COL6A6: variants seen among roughly 807,000 people sequenced by gnomAD.
COL6A6 encodes collagen type VI alpha 6 chain.
In COL6A6, 183 loss-of-function variants were observed where a neutral mutation model predicts 208.6. That is an observed-to-expected ratio of 0.88 (90% CI 0.78 to 0.99). The LOEUF (loss-of-function observed/expected upper bound fraction) is 0.99. COL6A6 is among the 50% of genes least tolerant of loss of function. The probability of loss-of-function intolerance (pLI) is 0.00; values close to 1 mark genes in which losing one functional copy is unlikely to be tolerated. For missense variants in COL6A6, 2,816 were observed against 2,815.2 expected (o/e 1.00, Z -0.01); for synonymous variants, 973 against 1,011.8 (o/e 0.96, Z 0.73).
chr3:130,609,496 C>A (rs1244879819), intron 22 of COL6A6, among the ~76,000 whole-genome samples: 1 of 152,112 alleles, frequency 6.6e-6, no homozygotes, highest in Admixed American at 6.6e-5. Context: ...CCATACTTGG[C>A]TGTTTACACT....
chr3:130,623,111 G>A (rs2064786231), intron 24 of COL6A6, among the ~76,000 whole-genome samples: 1 of 152,124 alleles, frequency 6.6e-6, no homozygotes, highest in Non-Finnish European at 1.5e-5. Flanking sequence ...TGGAGTGGAT[G>A]AACACAGCCA....
chr3:130,628,544 TATA>T (rs928420318), intron 26 of COL6A6, among the ~76,000 whole-genome samples: 5 of 152,236 alleles, frequency 3.3e-5, no homozygotes, highest in African/African-American at 1.2e-4. Flanking sequence ...GAGGATTTAT[TATA>T]ATCAGGAAAT....
At chr3:130,634,242 T>TAAAAAAAAAAA (rs202193097) in intron 26 of COL6A6, among the ~76,000 whole-genome samples, 21 of 23,794 alleles carry the variant, frequency 8.8e-4, no homozygotes, top group Non-Finnish European at 1.1e-3. Context: ...AATAAATAAA[T>TAAAAAAAAAAA]AAAAAAAAAA....
At chr3:130,554,481 C>T (rs911600533) in intron 1 of COL6A6, among the ~76,000 whole-genome samples, 10 of 152,056 alleles carry the variant, frequency 6.6e-5, no homozygotes, top group South Asian at 2.1e-4. Context: ...CTGGTGGGCA[C>T]GAGGCTGGTG....
chr3:130,572,573 T>A (rs914545853), intron 7 of COL6A6, among the ~76,000 whole-genome samples: 2 of 152,216 alleles, frequency 1.3e-5, no homozygotes, highest in Admixed American at 6.5e-5. Flanking sequence ...TTCTGGGTCT[T>A]ACTGAAAACT....
chr3:130,645,896 A>T (rs551131291), intron 32 of COL6A6, among the ~76,000 whole-genome samples: 1 of 152,330 alleles, frequency 6.6e-6, no homozygotes, highest in African/African-American at 2.4e-5. Context: ...CCACAAACCC[A>T]TGTCCTCTGA....
chr3:130,624,501 T>C (rs2064828263), intron 24 of COL6A6, among the ~76,000 whole-genome samples: 1 of 152,210 alleles, frequency 6.6e-6, no homozygotes, highest in South Asian at 2.1e-4. Context: ...AGTGTAGCAA[T>C]ATATGGCATG....
At chr3:130,650,296 A>G (rs2065598235) in intron 33 of COL6A6, among the ~76,000 whole-genome samples, 1 of 152,142 alleles carries the variant, frequency 6.6e-6, no homozygotes, top group Non-Finnish European at 1.5e-5. Context: ...GGGGGGGGCC[A>G]GGGAGCAGCA....
Position 130,664,988 on chromosome 3 carries a change from A to T in COL6A6, c.6503-15A>T. 6.5e-7 allele frequency: 1 copy of T among 1,532,992 alleles called. No homozygotes were observed. Among genetic ancestry groups the T allele is most frequent in the Non-Finnish European group, 9.0e-7 (1 of 1,116,460 alleles). 95.0% of individuals were successfully genotyped at this position (1,532,992 alleles called of 1,614,324 possible). A position where few individuals can be genotyped will look rare whatever the true frequency, so the allele number is the denominator to read the frequency against. ...GTCATGAATACAAGACTTATCACAG[A>T]CTTTTCTCTTCTAGGTGCAATCAAC... is the stretch of plus-strand genomic sequence containing the variant. On this transcript the variant is annotated splice_polypyrimidine_tract_variant and intron_variant, in intron 35 of 36. Coordinates refer to ENST00000358511, the MANE Select transcript of COL6A6 (RefSeq NM_001102608.3).
At chr3:130,531,711 G>A (rs1028286268) in intron 1 of COL6A6, among the ~76,000 whole-genome samples, 8 of 152,288 alleles carry the variant, frequency 5.3e-5, no homozygotes, top group Middle Eastern at 6.8e-3. Flanking sequence ...TTGAAGGCAG[G>A]GGCAGCCATG....
rs1217542067 is a variant in COL6A6, at chr3:130,517,219, C to T, written c.-210C>T. 6.6e-6 allele frequency among the ~76,000 whole-genome samples: 1 copy of T among 152,234 alleles called. No individual in the cohort carries two copies. The highest frequency in any genetic ancestry group is 1.5e-5 in the Non-Finnish European group (1 of 68,048). ...GGGACACCGGAGTCAAGAGGCTGCC[C>T]ACGCCGCTGCCTGTCCGTTCCACGG... is the stretch of plus-strand genomic sequence containing the variant. On this transcript the variant is annotated 5_prime_UTR_variant, in exon 1 of 37. Coordinates refer to ENST00000358511, the MANE Select transcript of COL6A6 (RefSeq NM_001102608.3).
At chr3:130,543,683 C>CAT (rs1012287371) in intron 1 of COL6A6, among the ~76,000 whole-genome samples, 5 of 152,328 alleles carry the variant, frequency 3.3e-5, no homozygotes, top group African/African-American at 1.2e-4. Context: ...TCATTTCACA[C>CAT]ATATATACAC....
chr3:130,592,978 CA>C (rs1402451130), intron 15 of COL6A6, 82 bp from the exon 16 acceptor site: 6 of 1,316,550 alleles, frequency 4.6e-6, no homozygotes, highest in Non-Finnish European at 5.4e-6. Context: ...ATGTGAAACA[CA>C]AAAATAGAGT....
chr3:130,549,761 T>G (rs1036779028), intron 1 of COL6A6, among the ~76,000 whole-genome samples: 3 of 152,224 alleles, frequency 2.0e-5, no homozygotes, highest in Non-Finnish European at 4.4e-5. Context: ...TCTGCTTTTG[T>G]ACGAGTACCA....
intron 33 of COL6A6, among the ~76,000 whole-genome samples, chr3:130,656,556 G>T (rs1358587444): frequency 1.3e-5 from 2 of 152,150 alleles, no homozygotes. Flanking sequence ...GGCCACTGAC[G>T]GGCCAGAAAA....
intron 8 of COL6A6, among the ~76,000 whole-genome samples, chr3:130,576,910 C>T (rs1471537180): frequency 6.6e-6 from 1 of 152,206 alleles, no homozygotes; most frequent in Non-Finnish European, 1.5e-5. Context: ...GGCCTGAACA[C>T]TTGCTGTGCT....
At chr3:130,623,481 C>A (rs1339716027) in intron 24 of COL6A6, among the ~76,000 whole-genome samples, 2 of 152,120 alleles carry the variant, frequency 1.3e-5, no homozygotes, top group Admixed American at 6.5e-5. Context: ...ATTATGAAGT[C>A]TGAGAGAATG....
intron 1 of COL6A6, among the ~76,000 whole-genome samples, chr3:130,540,188 C>A (rs553041051): frequency 6.6e-5 from 10 of 152,258 alleles, no homozygotes; most frequent in African/African-American, 2.2e-4. Flanking sequence ...AAATAGACGA[C>A]TTTTTTAGAG....
At chr3:130,573,716 A>G (rs2063221609) in intron 7 of COL6A6, among the ~76,000 whole-genome samples, 1 of 151,788 alleles carries the variant, frequency 6.6e-6, no homozygotes, top group Non-Finnish European at 1.5e-5. Context: ...ACAGGCAGCC[A>G]CTACCACACC....
Sources: gnomAD v4.1 joint callset for allele counts (sites outside exome capture counted in the v4.1 genomes callset) on GRCh38, gnomAD v4.1.1 for gene constraint, MANE v1.5 for transcripts, NCBI Gene and HGNC (gene_info 2026-07-23, HGNC 2026-07-21) for gene names.